The following GLMN variants were observed in gnomAD, a reference collection of about 807,000 sequenced individuals.
The protein encoded by GLMN is glomulin, FKBP associated protein, also known as glomulin.
In GLMN, 75 loss-of-function variants were observed where a neutral mutation model predicts 87.8. The observed-to-expected ratio is 0.85, with a 90% confidence interval of 0.71 to 1.04. The LOEUF (loss-of-function observed/expected upper bound fraction) is 1.04. Among genes scored for constraint, GLMN ranks in the 50% least tolerant of loss-of-function variants. The pLI, the probability that GLMN is intolerant of heterozygous loss-of-function variation, is 0.00. For missense variants in GLMN, 588 were observed against 658.8 expected, an observed-to-expected ratio of 0.89 and a Z score of 1.18; for synonymous variants, 206 against 221.6, an observed-to-expected ratio of 0.93 and a Z score of 0.63.
chr1:92,323,842 A>G, the GLMN span: 1 of 1,614,006 alleles, frequency 6.2e-7, no homozygotes, highest in Admixed American at 1.7e-5. Context: ...TTTGCCTGAA[A>G]GATTAAAAGC....
the GLMN span, among the ~76,000 whole-genome samples, chr1:92,304,731 C>T: frequency 1.8e-4 from 28 of 152,142 alleles, no homozygotes; most frequent in Middle Eastern, 3.2e-3. Flanking sequence ...ATAAATTATA[C>T]TGGCACAATT....
At chr1:92,366,732 T>G in the GLMN span, among the ~76,000 whole-genome samples, 1 of 152,218 alleles carries the variant, frequency 6.6e-6, no homozygotes, top group African/African-American at 2.4e-5. Context: ...ACAGATAAAA[T>G]TCCTTTTGAA....
chr1:92,334,651 C>T, the GLMN span, among the ~76,000 whole-genome samples: 1 of 151,962 alleles, frequency 6.6e-6, no homozygotes, highest in East Asian at 1.9e-4. Flanking sequence ...AGTTCAAGAC[C>T]AGCCTGGGCA....
chr1:92,347,141 A>G, the GLMN span, among the ~76,000 whole-genome samples: 4 of 152,246 alleles, frequency 2.6e-5, no homozygotes, highest in Admixed American at 2.6e-4. Context: ...AAATCAGAAC[A>G]TAGAAAATAA....
the GLMN span, among the ~76,000 whole-genome samples, chr1:92,311,834 T>C: frequency 6.6e-6 from 1 of 152,230 alleles, no homozygotes; most frequent in African/African-American, 2.4e-5. Context: ...TAAAAAATAA[T>C]GTACATACCT....
chr1:92,345,835 C>T, the GLMN span: 13 of 1,500,092 alleles, frequency 8.7e-6, no homozygotes, highest in Non-Finnish European at 1.1e-5. Flanking sequence ...TAAATTTTAT[C>T]TATCTTTCAG....
At chr1:92,280,108 G>A in intron 7 of GLMN, among the ~76,000 whole-genome samples, 1 of 152,236 alleles carries the variant, frequency 6.6e-6, no homozygotes, top group Non-Finnish European at 1.5e-5. Context: ...AGAGAGCAGT[G>A]GTTCTCTCAG....
At chr1:92,299,177 AC>A, upstream of GLMN, 3 of 1,378,144 alleles carry the variant, frequency 2.2e-6, no homozygotes, top group Non-Finnish European at 2.9e-6. Context: ...CCACTTTTGG[AC>A]CCTGAAAGCT....
Position 92,262,847 on chromosome 1 carries a change from C to A in GLMN, c.1473+16G>T, listed in dbSNP as rs770779920. 2 of 1,014,926 alleles carry A rather than the reference C, an allele frequency of 2.0e-6. No individual in the cohort carries two copies. Among genetic ancestry groups the A allele is most frequent in the Non-Finnish European group, 3.1e-6 (2 of 639,796 alleles). The allele number at this position is 1,014,926 out of a possible 1,614,324, so 62.9% of individuals were successfully genotyped here. Reference sequence around the variant, plus strand: ...TTTGAATATACTCACAGTTTCTTTTCAAATACTTCACTTACTTGATTGTCA... The same window carrying A: ...TTTGAATATACTCACAGTTTCTTTTAAAATACTTCACTTACTTGATTGTCA... On this transcript the variant is annotated intron_variant, in intron 16 of 18. Transcript: ENST00000370360.
At chr1:92,338,797 G>T in the GLMN span, among the ~76,000 whole-genome samples, 149 of 151,658 alleles carry the variant, frequency 9.8e-4, 1 homozygote, top group Non-Finnish European at 1.6e-3. Flanking sequence ...TAGAGATAGG[G>T]GTCAGTCTCA....
chr1:92,298,900 T>C (rs1237487075), intron 1 of GLMN, 25 bp downstream of exon 1: 6 of 431,794 alleles, frequency 1.4e-5, no homozygotes, highest in East Asian at 7.1e-5. Context: ...CTGGCCACCC[T>C]GAACCTCTCC....
In GLMN at chr1:92,266,696, A is replaced by T; in HGVS notation, c.1140+4T>A. On this transcript the variant is annotated splice_donor_region_variant and intron_variant, in intron 12 of 18. Transcript: ENST00000370360. Reference sequence around the variant, plus strand: ...TATTCTTTAGTCACCAAATATTTACATACCAGTGTCTCAATGGGGCAAAGT... The same window carrying T: ...TATTCTTTAGTCACCAAATATTTACTTACCAGTGTCTCAATGGGGCAAAGT... 6.3e-7 allele frequency: 1 copy of T among 1,575,826 alleles called. No individual in the cohort carries two copies.
chr1:92,272,289 C>G (rs962505151), intron 7 of GLMN, among the ~76,000 whole-genome samples: 1 of 152,188 alleles, frequency 6.6e-6, no homozygotes, highest in African/African-American at 2.4e-5. Context: ...GGCTGGACTC[C>G]TGATCCATAG....
rs192062754 is a variant in GLMN, at chr1:92,252,851, C to A, written c.1474-4862G>T. 2.2e-4 allele frequency among the ~76,000 whole-genome samples: 33 copies of A among 151,816 alleles called. No individual in the cohort carries two copies. In the East Asian group the frequency reaches 6.4e-3, roughly 29 times the overall value. Reference sequence around the variant, plus strand: ...CAAATACCTGCTTTTAATTTCATACCCAAGGAGGCTTACTGATTTCCAGTT... The same window carrying A: ...CAAATACCTGCTTTTAATTTCATACACAAGGAGGCTTACTGATTTCCAGTT... On this transcript the variant is annotated intron_variant, in intron 16 of 18. Transcript: ENST00000370360.
chr1:92,326,313 G>A, the GLMN span, among the ~76,000 whole-genome samples: 1 of 152,162 alleles, frequency 6.6e-6, no homozygotes, highest in Non-Finnish European at 1.5e-5. Context: ...TCTTAGGTCA[G>A]GTCTGCAGAT....
intron 12 of GLMN, 87 bp from the exon 13 acceptor site, chr1:92,266,579 C>T (rs1557529834): frequency 9.9e-7 from 1 of 1,005,112 alleles, no homozygotes; most frequent in African/African-American, 1.6e-5. Context: ...TGTAATACAT[C>T]CACACTTGTA....
the GLMN span, among the ~76,000 whole-genome samples, chr1:92,305,294 G>C: frequency 6.6e-6 from 1 of 151,460 alleles, no homozygotes; most frequent in African/African-American, 2.4e-5. Context: ...TTAGCCAAAC[G>C]TGATGGCGGG....
chr1:92,289,255 A>G (rs1649127430), intron 5 of GLMN, 104 bp from the exon 6 acceptor site: 5 of 775,962 alleles, frequency 6.4e-6, no homozygotes, highest in Non-Finnish European at 1.2e-5. Context: ...ACATTTTAAC[A>G]ACTCTTGAAT....
the GLMN span, among the ~76,000 whole-genome samples, chr1:92,305,093 C>T: frequency 6.6e-6 from 1 of 151,730 alleles, no homozygotes; most frequent in Admixed American, 6.6e-5. Context: ...CGAGATCATG[C>T]CACTGCACTC....
Sources: allele counts gnomAD v4.1 joint callset (sites outside exome capture counted in the v4.1 genomes callset), GRCh38; gene constraint gnomAD v4.1.1; transcripts MANE v1.5; gene names NCBI Gene and HGNC (gene_info 2026-07-23, HGNC 2026-07-21).